NAV2: variants seen among roughly 807,000 people sequenced by gnomAD.
The protein encoded by NAV2 is helicase, APC down-regulated 1.
Under a neutral mutation model 223.2 loss-of-function variants are expected in NAV2, and 54 were observed. The observed-to-expected ratio is 0.24, with a 90% CI of 0.19 to 0.30. The LOEUF (loss-of-function observed/expected upper bound fraction) is 0.30, where lower values mean the gene tolerates loss of function less well. Ranked by LOEUF, NAV2 falls within the 10% of genes least tolerant of loss-of-function variation. The probability of loss-of-function intolerance (pLI) is 1.00; values close to 1 mark genes in which losing one functional copy is unlikely to be tolerated. For synonymous variants in NAV2, 1,279 were observed against 1,239.3 expected (o/e 1.03, Z -0.67); for missense variants, 2,806 against 3,147.5 (o/e 0.89, Z 2.60).
chr11:19,388,021 T>C (rs1262745185), intron 1 of NAV2, among the ~76,000 whole-genome samples: 1 of 152,196 alleles, frequency 6.6e-6, no homozygotes, highest in African/African-American at 2.4e-5. Flanking sequence ...AGAATTGGAA[T>C]GTGCATGTTA....
chr11:19,651,055 C>T (rs1464221237), intron 1 of NAV2, among the ~76,000 whole-genome samples: 2 of 152,114 alleles, frequency 1.3e-5, no homozygotes, highest in African/African-American at 4.8e-5. Context: ...ACATGGAGAG[C>T]TATTTGCCTG....
At chr11:19,609,446 T>G (rs2046571328) in intron 1 of NAV2, among the ~76,000 whole-genome samples, 3 of 147,608 alleles carry the variant, frequency 2.0e-5, no homozygotes, top group East Asian at 2.0e-4. Context: ...GAGAGAGAGG[T>G]AGAGAGGGAA....
chr11:19,501,146 C>G (rs909687834), intron 1 of NAV2, among the ~76,000 whole-genome samples: 55 of 152,192 alleles, frequency 3.6e-4, no homozygotes, highest in African/African-American at 1.3e-3. Context: ...ACATCTCTCT[C>G]TGACTGTCTA....
intron 11 of NAV2, among the ~76,000 whole-genome samples, chr11:20,029,106 C>T (rs575819654): frequency 1.6e-4 from 24 of 152,320 alleles, no homozygotes; most frequent in Non-Finnish European, 2.9e-5. Flanking sequence ...CGAGGGGAGA[C>T]CATTCAGTGT....
At chr11:19,582,245 A>T (rs1410583428) in intron 1 of NAV2, among the ~76,000 whole-genome samples, 8 of 152,038 alleles carry the variant, frequency 5.3e-5, no homozygotes, top group African/African-American at 1.9e-4. Flanking sequence ...GTTGGAGTTC[A>T]TTGTAGATTC....
chr11:19,561,085 G>T (rs905826350), intron 1 of NAV2, among the ~76,000 whole-genome samples: 12 of 152,190 alleles, frequency 7.9e-5, no homozygotes, highest in African/African-American at 2.9e-4. Context: ...GCAAATTCTG[G>T]ATGGATGACC....
intron 1 of NAV2, among the ~76,000 whole-genome samples, chr11:19,698,372 A>G (rs1055771195): frequency 1.3e-5 from 2 of 152,224 alleles, no homozygotes; most frequent in African/African-American, 4.8e-5. Flanking sequence ...CTTAACTGCC[A>G]TTACTGAATT....
chr11:19,708,023 C>T (rs562194569), upstream of NAV2, among the ~76,000 whole-genome samples: 1 of 152,338 alleles, frequency 6.6e-6, no homozygotes, highest in East Asian at 1.9e-4. Context: ...ACCCCTCACA[C>T]TCTAGCTTCT....
At chr11:19,501,882 G>A (rs2134157835) in intron 1 of NAV2, among the ~76,000 whole-genome samples, 2 of 152,232 alleles carry the variant, frequency 1.3e-5, no homozygotes. Flanking sequence ...GGTGGCCCTG[G>A]CTTCTCTGTT....
chr11:19,560,016 A>G (rs1220804534), intron 1 of NAV2, among the ~76,000 whole-genome samples: 1 of 152,244 alleles, frequency 6.6e-6, no homozygotes, highest in Non-Finnish European at 1.5e-5. Flanking sequence ...CTCTAGCTGC[A>G]GGAACCAGAA....
At chr11:19,423,884 G>A (rs950506580) in intron 1 of NAV2, among the ~76,000 whole-genome samples, 1 of 152,220 alleles carries the variant, frequency 6.6e-6, no homozygotes, top group South Asian at 2.1e-4. Flanking sequence ...AAATAACTAG[G>A]AAGTTCTCTA....
chr11:19,558,298 A>T (rs922169228), intron 1 of NAV2, among the ~76,000 whole-genome samples: 2 of 152,170 alleles, frequency 1.3e-5, no homozygotes, highest in Non-Finnish European at 1.5e-5. Context: ...TCCTCATGTG[A>T]TGTTGGCTGG....
intron 11 of NAV2, among the ~76,000 whole-genome samples, chr11:20,031,520 A>G (rs894724611): frequency 6.6e-6 from 1 of 152,200 alleles, no homozygotes; most frequent in Non-Finnish European, 1.5e-5. Context: ...GACAAAAAGC[A>G]AAAGAAAGGA....
At chr11:19,571,158 T>C (rs2045414769) in intron 1 of NAV2, among the ~76,000 whole-genome samples, 1 of 152,090 alleles carries the variant, frequency 6.6e-6, no homozygotes, top group African/African-American at 2.4e-5. Context: ...TCTGAAAACA[T>C]TATGTTAAGT....
intron 14 of NAV2, 83 bp from the exon 15 acceptor site, chr11:20,048,645 C>T (rs1394478800): frequency 7.8e-6 from 9 of 1,158,272 alleles, no homozygotes; most frequent in South Asian, 4.3e-5. Flanking sequence ...TTCTCACCAA[C>T]TCCTCTGCCC....
At chr11:19,530,232 G>A (rs144189134) in intron 1 of NAV2, among the ~76,000 whole-genome samples, 107 of 152,316 alleles carry the variant, frequency 7.0e-4, no homozygotes, top group South Asian at 2.1e-3. Flanking sequence ...TTCTTAGGAG[G>A]TAGCTGTAGT....
chr11:19,528,665 C>T (rs1484305248), intron 1 of NAV2, among the ~76,000 whole-genome samples: 2 of 151,544 alleles, frequency 1.3e-5, no homozygotes, highest in Non-Finnish European at 1.5e-5. Context: ...GGCACGGTGG[C>T]TTATGCCTGT....
chr11:19,638,908 G>A (rs777689876), intron 1 of NAV2, among the ~76,000 whole-genome samples: 2 of 152,178 alleles, frequency 1.3e-5, no homozygotes, highest in African/African-American at 2.4e-5. Context: ...CAGGAGACTC[G>A]CTTGAACCTG....
At chr11:19,814,312 C>T (rs1035284947) in intron 1 of NAV2, among the ~76,000 whole-genome samples, 1 of 152,048 alleles carries the variant, frequency 6.6e-6, no homozygotes, top group African/African-American at 2.4e-5. Context: ...GAGGGACTTG[C>T]TTGGGGGAAA....
Sources: allele counts gnomAD v4.1 joint callset (sites outside exome capture counted in the v4.1 genomes callset), GRCh38; gene constraint gnomAD v4.1.1; transcripts MANE v1.5; gene names NCBI Gene and HGNC (gene_info 2026-07-23, HGNC 2026-07-21).